The following LARP4 variants were observed in gnomAD, a reference collection of about 807,000 sequenced individuals.
LARP4 encodes the protein la-related protein 4.
A neutral mutation model predicts 92.9 loss-of-function variants in LARP4; 29 were observed. That is an observed-to-expected ratio of 0.31 (90% CI 0.23 to 0.43). LARP4 has a LOEUF of 0.43. Ranked by LOEUF, LARP4 falls within the 20% of genes least tolerant of loss-of-function variation. The pLI is 1.00. For missense variants in LARP4, 732 were observed against 860.0 expected (o/e 0.85, Z 1.86); for synonymous variants, 279 against 284.1 (o/e 0.98, Z 0.18).
chr12:50,410,046 C>T lies in LARP4; in HGVS notation c.18+9018C>T, dbSNP rs1287653982. On this transcript the variant is annotated intron_variant, in intron 1 of 15. Coordinates refer to ENST00000398473, the MANE Select transcript of LARP4 (RefSeq NM_052879.5). ...CTCTCAGGTGATCTGCCCACCTCAG[C>T]CTCTCAAAGTGCTGGGATTACAGGT... Among the ~76,000 whole-genome samples the T allele has an allele frequency of 2.6e-5, 4 of 151,336 alleles. No individual in the cohort carries two copies. The East Asian group carries it at 7.8e-4, about 30-fold the overall frequency.
At chr12:50,472,325 G>A (rs921027925) in intron 13 of LARP4, among the ~76,000 whole-genome samples, 5 of 152,018 alleles carry the variant, frequency 3.3e-5, no homozygotes, top group Non-Finnish European at 5.9e-5. Flanking sequence ...ACCATTACCT[G>A]TTCCTCCTTT....
Position 50,461,131 on chromosome 12 carries a change from A to G in LARP4, c.1122-4A>G, listed in dbSNP as rs1315774409. The G allele has an allele frequency of 3.7e-6, 6 of 1,608,388 alleles. No individual in the cohort carries two copies. Among genetic ancestry groups the G allele is most frequent in the South Asian group, 3.3e-5 (3 of 90,962 alleles). ...TTGTGTATATCATTTTGTATTTCCTATAGTGTGAAGCCTCAGTTTAGGTCA... is the reference window on the plus strand; with the variant it reads ...TTGTGTATATCATTTTGTATTTCCTGTAGTGTGAAGCCTCAGTTTAGGTCA... On this transcript the variant is annotated splice_region_variant and splice_polypyrimidine_tract_variant and intron_variant, in intron 10 of 15. Coordinates refer to ENST00000398473, the MANE Select transcript of LARP4 (RefSeq NM_052879.5).
intron 8 of LARP4, among the ~76,000 whole-genome samples, chr12:50,448,446 C>G (rs570889985): frequency 6.6e-5 from 10 of 152,244 alleles, no homozygotes; most frequent in African/African-American, 2.2e-4. Context: ...CTCCACAACC[C>G]CAGTCATCTT....
intron 12 of LARP4, 124 bp from the exon 13 acceptor site, chr12:50,466,835 C>A: frequency 2.5e-6 from 2 of 787,550 alleles, no homozygotes; most frequent in Non-Finnish European, 2.0e-6. Context: ...TGTAGGGATA[C>A]AGTTCTGTGC....
At chr12:50,425,503 A>G (rs1948572693) in intron 1 of LARP4, among the ~76,000 whole-genome samples, 1 of 152,218 alleles carries the variant, frequency 6.6e-6, no homozygotes, top group African/African-American at 2.4e-5. Flanking sequence ...TACTGTTGAC[A>G]TGGCAGGAGA....
chr12:50,475,510 T>C lies in LARP4; in HGVS notation c.1837-16T>C, dbSNP rs185634080. The C allele has an allele frequency of 3.2e-6, 5 of 1,560,076 alleles. No individual in the cohort carries two copies. Among genetic ancestry groups the C allele is most frequent in the African/African-American group, 1.4e-5 (1 of 72,232 alleles). The stretch of plus-strand genomic sequence containing the variant: ...AATGTGTACCATAAATGTTTTTTTT[T>C]ATCATCACTTCAAAGGAACCCCGAA... On this transcript the variant is annotated splice_polypyrimidine_tract_variant and intron_variant, in intron 15 of 15. Transcript: ENST00000398473.
At chr12:50,457,562 C>G (rs1386865518) in intron 10 of LARP4, among the ~76,000 whole-genome samples, 4 of 151,984 alleles carry the variant, frequency 2.6e-5, no homozygotes, top group Non-Finnish European at 5.9e-5. Flanking sequence ...GCCTATATTC[C>G]CCACACATTG....
Position 50,457,326 on chromosome 12 carries a change from C to T in LARP4, c.1121+2909C>T, listed in dbSNP as rs139204498. 4.1e-3 allele frequency among the ~76,000 whole-genome samples: 618 copies of T among 151,342 alleles called. 5 individuals are homozygous for T. Among genetic ancestry groups the T allele is most frequent in the African/African-American group, 0.014 (577 of 41,194 alleles). On this transcript the variant is annotated intron_variant, in intron 10 of 15. Coordinates refer to ENST00000398473, the MANE Select transcript of LARP4 (RefSeq NM_052879.5). The stretch of plus-strand genomic sequence containing the variant: ...GGTTCAAGCGATACTCCTGCCTTAG[C>T]CTTCCAATTAGCTGAGATTACAGAC...
In LARP4 at chr12:50,476,618, G is replaced by A. The variant is rs1415612926; in HGVS notation, c.*754G>A. On this transcript the variant is annotated 3_prime_UTR_variant, in exon 16 of 16. Coordinates refer to ENST00000398473, the MANE Select transcript of LARP4 (RefSeq NM_052879.5). Reference sequence around the variant, plus strand: ...AGGAAAGGGGGTTATTCAAGAAATTGAAAATTTCATCTTGGACCTCAGTGC... The same window carrying A: ...AGGAAAGGGGGTTATTCAAGAAATTAAAAATTTCATCTTGGACCTCAGTGC... 2 of 152,552 alleles carry A rather than the reference G, an allele frequency of 1.3e-5. No individual in the cohort carries two copies. The highest frequency in any genetic ancestry group is 2.9e-5 in the Non-Finnish European group (2 of 68,018). The allele number at this position is 152,552 out of a possible 1,614,324, so 9.4% of individuals were successfully genotyped here.
intron 1 of LARP4, among the ~76,000 whole-genome samples, chr12:50,402,229 C>T (rs1019192739): frequency 6.6e-6 from 1 of 151,424 alleles, no homozygotes; most frequent in African/African-American, 2.4e-5. Context: ...GATATTGTGT[C>T]GCCGATAAGC....
At chr12:50,417,264 T>A (rs1045659269) in intron 1 of LARP4, among the ~76,000 whole-genome samples, 4 of 150,942 alleles carry the variant, frequency 2.7e-5, no homozygotes, top group Non-Finnish European at 5.9e-5. Flanking sequence ...TAATCCGAGC[T>A]ACTTGGGAGG....
chr12:50,440,546 A>G lies in LARP4; in HGVS notation c.747A>G (p.Gln249=), dbSNP rs1321919137. The change falls in exon 7 of 16, where the codon CAA becomes CAG. Residue 249 remains glutamine, a synonymous_variant. Coordinates refer to ENST00000398473, the MANE Select transcript of LARP4 (RefSeq NM_052879.5). ...CTTTCCAGTCAGACACAGATGCACA[A>G]CAGGTAAGAAGAAAACATTTTCTGA... ...YITFQSDTDA[Q]QAFKYLREEV... 21 of 1,601,320 alleles carry G rather than the reference A, an allele frequency of 1.3e-5. No homozygotes were observed. Among genetic ancestry groups the G allele is most frequent in the Non-Finnish European group, 1.7e-5 (20 of 1,168,612 alleles).
Position 50,479,656 on chromosome 12 carries a change from A to G in LARP4, c.*3792A>G, listed in dbSNP as rs1308885604. 1 of 152,180 alleles carries G rather than the reference A, an allele frequency of 6.6e-6. No individual in the cohort carries two copies. The highest frequency in any genetic ancestry group is 1.5e-5 in the Non-Finnish European group (1 of 68,034). The allele number at this position is 152,180 out of a possible 1,614,324, so 9.4% of individuals were successfully genotyped here. On this transcript the variant is annotated 3_prime_UTR_variant, in exon 16 of 16. Coordinates refer to ENST00000398473, the MANE Select transcript of LARP4 (RefSeq NM_052879.5). ...CGAGTTGACAGTTCCTAAAAGCGTA[A>G]CTCAGATATTAATGGGCTGTGTATT...
chr12:50,422,845 T>C (rs1948058743), intron 1 of LARP4, among the ~76,000 whole-genome samples: 1 of 149,534 alleles, frequency 6.7e-6, no homozygotes, highest in African/African-American at 2.4e-5. Flanking sequence ...TTGAGACGAG[T>C]CCCCCTCTGT....
rs748279624 is a variant in LARP4, at chr12:50,462,602, G to T, written c.1355G>T (p.Arg452Leu). ...GRGRRTLFRG[R>L]RRREDDRISR... is the part of the protein sequence containing the mutation. ...AAAAGGAGAACTCTCTTCAGAGGTC[G>T]AAGACGACGAGAAGATGACAGGATC... Residue 452 changes from arginine to leucine, a missense_variant, in exon 12 of 16, where the codon CGA becomes CTA. This residue lies in a region of LARP4 where 264 missense variants were observed against 269.5 expected (regional missense o/e 0.98). Transcript: ENST00000398473. The T allele has an allele frequency of 4.5e-6, 7 of 1,563,170 alleles. 1 individual carries two copies. The highest frequency in any genetic ancestry group is 4.3e-5 in the African/African-American group (3 of 69,058).
Position 50,403,023 on chromosome 12 carries a change from A to G in LARP4, c.18+1995A>G, listed in dbSNP as rs144567547. ...TGGTCGTTTGGCGTTTTGTTAACTAATATTTGATCCCTGTAACCTCATGAT... is the reference window on the plus strand; with the variant it reads ...TGGTCGTTTGGCGTTTTGTTAACTAGTATTTGATCCCTGTAACCTCATGAT... On this transcript the variant is annotated intron_variant, in intron 1 of 15. Coordinates refer to ENST00000398473, the MANE Select transcript of LARP4 (RefSeq NM_052879.5). 4.1e-3 allele frequency among the ~76,000 whole-genome samples: 629 copies of G among 152,310 alleles called. 1 individual carries two copies. Among genetic ancestry groups the G allele is most frequent in the Admixed American group, 6.5e-3 (99 of 15,290 alleles).
chr12:50,414,197 T>G (rs913558112), intron 1 of LARP4, among the ~76,000 whole-genome samples: 2 of 152,224 alleles, frequency 1.3e-5, no homozygotes, highest in Non-Finnish European at 2.9e-5. Context: ...ACTATTCCAG[T>G]CTGTCCTTTG....
intron 6 of LARP4, among the ~76,000 whole-genome samples, chr12:50,438,718 CAGTT>C (rs1339879909): frequency 7.2e-5 from 11 of 152,088 alleles, no homozygotes; most frequent in Admixed American, 1.3e-4. Context: ...AAATAACTGA[CAGTT>C]AGGATGGTTA....
chr12:50,447,268 C>T (rs117528393), intron 8 of LARP4, among the ~76,000 whole-genome samples: 1 of 152,210 alleles, frequency 6.6e-6, no homozygotes, highest in Non-Finnish European at 1.5e-5. Flanking sequence ...AAAGCTGGTA[C>T]CAAGCATTTT....
Sources: allele counts gnomAD v4.1 joint callset (sites outside exome capture counted in the v4.1 genomes callset), GRCh38; gene constraint gnomAD v4.1.1; regional missense constraint gnomAD v4.1.1; transcripts MANE v1.5; gene names NCBI Gene and HGNC (gene_info 2026-07-23, HGNC 2026-07-21).